Variants in NPHP4 observed in about 807,000 individuals in gnomAD.
NPHP4 encodes the protein nephrocystin 4, also known as nephrocystin-4.
Under a neutral mutation model 155.8 loss-of-function variants are expected in NPHP4, and 151 were observed. The observed-to-expected ratio is 0.97, with a 90% CI of 0.85 to 1.11. NPHP4 has a LOEUF of 1.11. Ranked by LOEUF, NPHP4 falls within the 50% of genes least tolerant of loss-of-function variation. The pLI is 0.00. For missense variants in NPHP4, 1,956 were observed against 1,925.7 expected (o/e 1.02, Z -0.29); for synonymous variants, 845 against 816.8 (o/e 1.03, Z -0.59).
chr1:5,909,089 G>A (rs1298268157), intron 12 of NPHP4, 63 bp downstream of exon 12: 2 of 1,326,994 alleles, frequency 1.5e-6, no homozygotes, highest in South Asian at 1.3e-5. Context: ...GGGGGACAGA[G>A]GGTTTTCTTG....
In NPHP4 at chr1:5,874,568, C is replaced by T. The variant is rs750650465; in HGVS notation, c.3134G>A (p.Gly1045Asp). Reference sequence around the variant, plus strand: ...CAGGTAGAGCTGGGGGGCCAGGCTGCCACGCAGGTGGAACATGTCCTCCTC... The same window carrying T: ...CAGGTAGAGCTGGGGGGCCAGGCTGTCACGCAGGTGGAACATGTCCTCCTC... The part of the protein sequence containing the change: ...PVEEDMFHLR[G>D]SLAPQLYLRP... The change falls in exon 22 of 30, where the codon GGC becomes GAC. Residue 1045 changes from glycine (G) to aspartate (D), a missense_variant. By Grantham distance (94) the Gly-to-Asp change is moderately conservative. Transcript: ENST00000378156. The T allele has an allele frequency of 1.9e-6, 3 of 1,607,944 alleles. No homozygotes were observed. The highest frequency in any genetic ancestry group is 2.5e-6 in the Non-Finnish European group (3 of 1,177,728).
At chr1:5,942,302 C>T (rs1436046786) in intron 9 of NPHP4, among the ~76,000 whole-genome samples, 1 of 151,984 alleles carries the variant, frequency 6.6e-6, no homozygotes, top group Non-Finnish European at 1.5e-5. Flanking sequence ...AAGGCCAAGG[C>T]GGGTGGATCA....
intron 3 of NPHP4, among the ~76,000 whole-genome samples, chr1:5,973,326 C>G (rs1287901243): frequency 6.6e-6 from 1 of 152,264 alleles, no homozygotes; most frequent in Non-Finnish European, 1.5e-5. Flanking sequence ...AGCCAGTTCT[C>G]CCTCTGGCCT....
intron 9 of NPHP4, 128 bp downstream of exon 9, chr1:5,946,976 G>C (rs1384389204): frequency 9.9e-7 from 1 of 1,014,308 alleles, no homozygotes; most frequent in Non-Finnish European, 1.5e-6. Flanking sequence ...TCAGTAAAGT[G>C]ATTTTTACTT....
rs1644211481 is a variant in NPHP4, at chr1:5,892,991, A to G, written c.2144-1963T>C. ...CTAACCACTCTCCATTCAAAGGCAG[A>G]TCCAGGCAACGATGAATGAGTGACA... On this transcript the variant is annotated intron_variant, in intron 16 of 29. Transcript: ENST00000378156. The surrounding 1 kb of genome is among the most constrained non-coding windows in gnomAD (Gnocchi z 4.5). 6.6e-6 allele frequency among the ~76,000 whole-genome samples: 1 copy of G among 152,230 alleles called. No individual in the cohort carries two copies. The highest frequency in any genetic ancestry group is 2.4e-5 in the African/African-American group (1 of 41,460).
At chr1:5,885,154 ACC>A (rs1643677805) in intron 18 of NPHP4, among the ~76,000 whole-genome samples, 9 of 134,256 alleles carry the variant, frequency 6.7e-5, no homozygotes, top group East Asian at 2.4e-4. Context: ...TCCCAGCCGA[ACC>A]CCCATCCTAC....
intron 23 of NPHP4, among the ~76,000 whole-genome samples, chr1:5,869,312 T>A (rs553524297): frequency 4.2e-4 from 57 of 136,100 alleles, no homozygotes; most frequent in African/African-American, 1.6e-3. Context: ...AATACAAACA[T>A]GGATGCACAT....
chr1:5,913,796 A>T (rs996685269), intron 11 of NPHP4, among the ~76,000 whole-genome samples: 1 of 152,212 alleles, frequency 6.6e-6, no homozygotes, highest in African/African-American at 2.4e-5. Flanking sequence ...TAATGCTCAA[A>T]TATACTCACA....
At chr1:5,926,788 A>T (rs1646028378) in intron 11 of NPHP4, among the ~76,000 whole-genome samples, 1 of 152,198 alleles carries the variant, frequency 6.6e-6, no homozygotes, top group Non-Finnish European at 1.5e-5. Context: ...ACACCCGGGC[A>T]TCACCAGCTG....
intron 22 of NPHP4, 110 bp from the exon 23 acceptor site, chr1:5,873,445 C>G: frequency 1.2e-6 from 1 of 809,388 alleles, no homozygotes; most frequent in South Asian, 1.4e-5. Context: ...AGCCTCCTCT[C>G]ACACTGACTC....
chr1:5,942,367 T>C (rs1646861943), intron 9 of NPHP4, among the ~76,000 whole-genome samples: 2 of 151,298 alleles, frequency 1.3e-5, no homozygotes, highest in African/African-American at 4.9e-5. Flanking sequence ...CCATCTCTAC[T>C]AAAAATACAA....
intron 2 of NPHP4, among the ~76,000 whole-genome samples, chr1:5,979,734 G>T (rs1445572801): frequency 6.6e-6 from 1 of 151,972 alleles, no homozygotes; most frequent in African/African-American, 2.4e-5. Context: ...GGCTGGTCTT[G>T]ATCTCCTGTC....
At chr1:5,865,518 G>A (rs1641127932) in intron 26 of NPHP4, 1 of 451,454 alleles carries the variant, frequency 2.2e-6, no homozygotes, top group Non-Finnish European at 4.0e-6. Flanking sequence ...CCACAGCAGA[G>A]GCTCTCAGGG....
chr1:5,906,978 A>G (rs1570371381), intron 13 of NPHP4, 137 bp downstream of exon 13: 1 of 488,308 alleles, frequency 2.0e-6, no homozygotes, highest in Non-Finnish European at 3.7e-6. Flanking sequence ...GCAATGCCCC[A>G]CTCCCACCCA....
At chr1:5,928,667 A>T (rs1043213415) in intron 10 of NPHP4, among the ~76,000 whole-genome samples, 1 of 152,212 alleles carries the variant, frequency 6.6e-6, no homozygotes, top group African/African-American at 2.4e-5. Flanking sequence ...TAATTATATT[A>T]ATCAGTGTAG....
intron 2 of NPHP4, among the ~76,000 whole-genome samples, chr1:5,985,941 C>T (rs1570766326): frequency 6.6e-6 from 1 of 152,332 alleles, no homozygotes; most frequent in Middle Eastern, 3.4e-3. Context: ...TCATCTAACA[C>T]AAATCCTATT....
At chr1:5,935,371 A>G (rs982490968) in intron 9 of NPHP4, among the ~76,000 whole-genome samples, 1 of 152,174 alleles carries the variant, frequency 6.6e-6, no homozygotes, top group Non-Finnish European at 1.5e-5. Context: ...TGGCAATTCA[A>G]TGAGAAAACA....
chr1:5,955,646 A>C (rs1392985830), intron 6 of NPHP4, among the ~76,000 whole-genome samples: 1 of 152,274 alleles, frequency 6.6e-6, no homozygotes, highest in Non-Finnish European at 1.5e-5. Flanking sequence ...CAAGCACAGA[A>C]AGACAAATAC....
At chr1:5,870,505 G>C (rs1222571529) in intron 23 of NPHP4, among the ~76,000 whole-genome samples, 3 of 152,278 alleles carry the variant, frequency 2.0e-5, no homozygotes, top group South Asian at 4.2e-4. Flanking sequence ...CTCGGGCCAG[G>C]TCATCAGTGC....
Sources: gnomAD v4.1 joint callset for allele counts (sites outside exome capture counted in the v4.1 genomes callset) on GRCh38, gnomAD v4.1.1 for gene constraint, Gnocchi (gnomAD v3.1) non-coding constraint, MANE v1.5 for transcripts, NCBI Gene and HGNC (gene_info 2026-07-23, HGNC 2026-07-21) for gene names.